NPEPPS: variants seen among roughly 807,000 people sequenced by gnomAD.
The protein encoded by NPEPPS is aminopeptidase puromycin sensitive.
In NPEPPS, 14 loss-of-function variants were observed where a neutral mutation model predicts 115.5. That is an observed-to-expected ratio of 0.12 (90% CI 0.08 to 0.19). The LOEUF is 0.19. NPEPPS is among the 10% of genes least tolerant of loss of function. The pLI is 1.00. For synonymous variants in NPEPPS, 285 were observed against 390.6 expected, an observed-to-expected ratio of 0.73 and a Z score of 3.19; for missense variants, 523 against 1,110.8, an observed-to-expected ratio of 0.47 and a Z score of 7.52.
chr17:47,616,249 C>T (rs111415999), intron 19 of NPEPPS, among the ~76,000 whole-genome samples: 8,160 of 152,204 alleles, frequency 0.054, 394 homozygotes, highest in African/African-American at 0.11. Context: ...GTCTATTTTA[C>T]TGCACTGCTG....
intron 21 of NPEPPS, 78 bp from the exon 22 acceptor site, chr17:47,619,659 T>A: frequency 8.6e-7 from 1 of 1,169,306 alleles, no homozygotes; most frequent in Non-Finnish European, 1.3e-6. Context: ...GAGAACAGAA[T>A]GATTTATTTT....
Position 47,621,971 on chromosome 17 carries a change from G to A in NPEPPS, c.*51G>A, listed in dbSNP as rs1015336989. 1.1e-5 allele frequency: 17 copies of A among 1,529,324 alleles called. No individual in the cohort carries two copies. The Admixed American group carries it at 3.0e-4, about 27-fold the overall frequency. 94.7% of individuals were successfully genotyped at this position (1,529,324 alleles called of 1,614,324 possible). ...TCTGCTGCTTCGCTGCAGGGATAAG[G>A]TGGAGCTACCGAACAGCTGATTCAT... On this transcript the variant is annotated 3_prime_UTR_variant, in exon 23 of 23. Coordinates refer to ENST00000322157, the MANE Select transcript of NPEPPS (RefSeq NM_006310.4).
rs766140719 is a variant in NPEPPS, at chr17:47,621,801, G to A, written c.2641G>A (p.Glu881Lys). The A allele has an allele frequency of 1.7e-4, 269 of 1,612,860 alleles. No individual in the cohort carries two copies. Among genetic ancestry groups the A allele is most frequent in the Non-Finnish European group, 2.0e-4 (239 of 1,179,076 alleles). Residue 881 changes from glutamate to lysine, a missense_variant, in exon 23 of 23, where the codon GAG becomes AAG. Physicochemically the swap from Glu to Lys is moderately conservative, Grantham distance 56. Transcript: ENST00000322157. ...CGAGAGTCACCCAGCTCCTTCAGCTGAGCGTACCATCCAGCAGTGTTGTGA... is the reference window on the plus strand; with the variant it reads ...CGAGAGTCACCCAGCTCCTTCAGCTAAGCGTACCATCCAGCAGTGTTGTGA... Reference protein sequence around the residue: ...FFESHPAPSAERTIQQCCENI... With the variant: ...FFESHPAPSAKRTIQQCCENI...
chr17:47,586,575 A>G (rs917937015), intron 8 of NPEPPS, 177 bp downstream of exon 8: 85 of 621,938 alleles, frequency 1.4e-4, no homozygotes, highest in Non-Finnish European at 2.3e-4. Flanking sequence ...CTTTGGTGCT[A>G]CTGTCTGAGG....
intron 19 of NPEPPS, 70 bp downstream of exon 19, chr17:47,613,795 T>A: frequency 8.8e-7 from 1 of 1,141,372 alleles, no homozygotes; most frequent in Non-Finnish European, 1.3e-6. Context: ...AACCTCTAAA[T>A]GGTTAAAAAA....
intron 21 of NPEPPS, 94 bp downstream of exon 21, chr17:47,619,258 T>C (rs745583006): frequency 3.1e-6 from 4 of 1,282,946 alleles, no homozygotes; most frequent in Middle Eastern, 3.8e-4. Context: ...CTTTGCTCTT[T>C]AAATGTTTCC....
At chr17:47,611,316 C>T (rs1031973842) in intron 17 of NPEPPS, among the ~76,000 whole-genome samples, 19 of 151,654 alleles carry the variant, frequency 1.3e-4, no homozygotes, top group Admixed American at 3.3e-4. Context: ...AAAAATTAGC[C>T]GGGCGTGGTG....
At chr17:47,571,823 C>G (rs1036583255) in intron 3 of NPEPPS, among the ~76,000 whole-genome samples, 2 of 152,162 alleles carry the variant, frequency 1.3e-5, no homozygotes, top group Non-Finnish European at 2.9e-5. Context: ...GCTGCATTGT[C>G]TGGTGAATCT....
chr17:47,556,737 C>T (rs1330872251), intron 2 of NPEPPS, among the ~76,000 whole-genome samples: 1 of 152,102 alleles, frequency 6.6e-6, no homozygotes, highest in Non-Finnish European at 1.5e-5. Context: ...CGGGACGGGG[C>T]GGCTCAAGCA....
intron 2 of NPEPPS, among the ~76,000 whole-genome samples, chr17:47,564,482 A>G (rs1910664285): frequency 6.6e-6 from 1 of 152,120 alleles, no homozygotes; most frequent in Non-Finnish European, 1.5e-5. Flanking sequence ...CTCATACTCC[A>G]TTTTTAAAAG....
chr17:47,614,765 T>TAAAATGTGC (rs1219436167), intron 19 of NPEPPS, among the ~76,000 whole-genome samples: 1 of 152,168 alleles, frequency 6.6e-6, no homozygotes, highest in African/African-American at 2.4e-5. Flanking sequence ...AATCATTAAA[T>TAAAATGTGC]AAAATGTGCA....
At chr17:47,566,189 G>A (rs2143791937) in intron 2 of NPEPPS, among the ~76,000 whole-genome samples, 1 of 152,206 alleles carries the variant, frequency 6.6e-6, no homozygotes, top group South Asian at 2.1e-4. Context: ...GTGTTGCCCA[G>A]GTTGATTTTG....
intron 2 of NPEPPS, among the ~76,000 whole-genome samples, chr17:47,547,518 GT>G (rs1482275659): frequency 6.6e-6 from 1 of 151,892 alleles, no homozygotes; most frequent in Non-Finnish European, 1.5e-5. Context: ...GCTAATATTC[GT>G]ATTTGTATTT....
intron 2 of NPEPPS, among the ~76,000 whole-genome samples, chr17:47,547,558 T>C (rs1909306364): frequency 6.6e-6 from 1 of 152,050 alleles, no homozygotes; most frequent in South Asian, 2.1e-4. Flanking sequence ...GTGGTCTTCC[T>C]ATATTGCCCA....
intron 2 of NPEPPS, among the ~76,000 whole-genome samples, chr17:47,562,754 T>C (rs1168495593): frequency 6.6e-6 from 1 of 150,744 alleles, no homozygotes; most frequent in Non-Finnish European, 1.5e-5. Context: ...ATACCAACTT[T>C]AGTTAATTTA....
At chr17:47,593,664 A>G (rs1912652161) in intron 12 of NPEPPS, among the ~76,000 whole-genome samples, 1 of 152,254 alleles carries the variant, frequency 6.6e-6, no homozygotes, top group Non-Finnish European at 1.5e-5. Flanking sequence ...TGAACATCAT[A>G]GAATGTACTT....
At chr17:47,619,929 A>G in intron 22 of NPEPPS, 145 bp downstream of exon 22, 1 of 636,680 alleles carries the variant, frequency 1.6e-6, no homozygotes. Context: ...TGTATAGGCC[A>G]TATTAAGAAT....
chr17:47,610,685 C>T (rs776545074), intron 17 of NPEPPS, among the ~76,000 whole-genome samples: 50 of 151,200 alleles, frequency 3.3e-4, no homozygotes, highest in Non-Finnish European at 5.5e-4. Flanking sequence ...CCCAGACCCC[C>T]GGCTCTCTTT....
upstream of NPEPPS, among the ~76,000 whole-genome samples, chr17:47,530,619 A>C (rs1413748962): frequency 1.3e-5 from 2 of 151,968 alleles, no homozygotes; most frequent in Non-Finnish European, 2.9e-5. Context: ...GGCCTCCCGA[A>C]GTGCTGGGAT....
Sources: gnomAD v4.1 joint callset for allele counts (sites outside exome capture counted in the v4.1 genomes callset) on GRCh38, gnomAD v4.1.1 for gene constraint, MANE v1.5 for transcripts, NCBI Gene and HGNC (gene_info 2026-07-23, HGNC 2026-07-21) for gene names.